ZNF432: variants seen among roughly 807,000 people sequenced by gnomAD.
ZNF432 encodes the protein zinc finger protein 432.
In ZNF432, 10 loss-of-function variants were observed where a neutral mutation model predicts 13.9. The observed-to-expected ratio is 0.72, with a 90% CI of 0.44 to 1.22. The LOEUF is 1.22. Among genes scored for constraint, ZNF432 ranks in the 50% most tolerant of loss-of-function variants. ZNF432 has a pLI of 0.00. For missense variants in ZNF432, 793 were observed against 796.2 expected (o/e 1.00, Z 0.05); for synonymous variants, 247 against 256.2 (o/e 0.96, Z 0.34).
At position 52,035,141 on chromosome 19, in the gene ZNF432, A is replaced by C; in HGVS notation, c.538T>G (p.Ser180Ala). 6.2e-7 allele frequency: 1 copy of C among 1,614,140 alleles called. No individual in the cohort carries two copies. The highest frequency in any genetic ancestry group is 8.5e-7 in the Non-Finnish European group (1 of 1,180,026). Residue 180 changes from serine (S) to alanine (A), a missense_variant, in exon 5 of 5, where the codon TCT becomes GCT. Transcript: ENST00000221315. ...YEELYSAAKF[S>A]VSTKANSTKS... ...GTGCTATTGGCTTTTGTACTTACAG[A>C]GAATTTAGCTGCAGAATAAAGTTCT...
intron 2 of ZNF432, among the ~76,000 whole-genome samples, chr19:52,043,718 C>T (rs931443241): frequency 2.6e-5 from 4 of 152,354 alleles, no homozygotes; most frequent in African/African-American, 9.6e-5. Flanking sequence ...CGCCTTAGGG[C>T]TGGAGGTGGG....
chr19:52,046,016 A>T (rs2087178734), intron 2 of ZNF432, among the ~76,000 whole-genome samples: 1 of 151,766 alleles, frequency 6.6e-6, no homozygotes, highest in Non-Finnish European at 1.5e-5. Context: ...CCAAAAAAAA[A>T]AAAAAAAAAA....
rs11666149 is a variant in ZNF432 at position 52,034,323 on chromosome 19, T to G, written c.1356A>C (p.Thr452=). The change falls in exon 5 of 5, where the codon ACA becomes ACC. Residue 452 remains threonine (T), a synonymous_variant. Transcript: ENST00000221315. ...CACTGCATGTGTAGGGCTTCTCTCC[T>G]GTATGAGTTCGCTGATGTATGATGA... ...SMLIIHQRTH[T]GEKPYTCSEC... 0.35 allele frequency: 563,427 copies of G among 1,613,198 alleles called. 109,963 individuals are homozygous for G. Among genetic ancestry groups the G allele is most frequent in the African/African-American group, 0.72 (53,496 of 74,614 alleles).
Position 52,041,214 on chromosome 19 carries a change from A to C in ZNF432, c.142+266T>G, listed in dbSNP as rs146604328. ...AATTTGGAGATGATTTAAAGTATTCAGGAGGAGGTGTGTGTAGGTTATATG... is the reference window on the plus strand; with the variant it reads ...AATTTGGAGATGATTTAAAGTATTCCGGAGGAGGTGTGTGTAGGTTATATG... On this transcript the variant is annotated intron_variant, in intron 3 of 4. Transcript: ENST00000221315. Among the ~76,000 whole-genome samples the C allele has an allele frequency of 2.0e-3, 307 of 152,348 alleles. 1 individual carries two copies. The highest frequency in any genetic ancestry group is 3.6e-3 in the Non-Finnish European group (248 of 68,028).
rs2087029896 is a variant in ZNF432 at position 52,032,970 on chromosome 19, ATGTG to A, written c.*746_*749del. On this transcript the variant is annotated 3_prime_UTR_variant, in exon 5 of 5. Transcript: ENST00000221315. ...GCTTTCCCATGATAATGCTGCTAGT[ATGTG>A]TAAGTTCATTGATGATCTATTATGA... The A allele has an allele frequency of 6.6e-6, 1 of 152,174 alleles. No individual in the cohort carries two copies. The highest frequency in any genetic ancestry group is 1.5e-5 in the Non-Finnish European group (1 of 68,040). 9.4% of individuals were successfully genotyped at this position (152,174 alleles called of 1,614,324 possible).
intron 2 of ZNF432, among the ~76,000 whole-genome samples, chr19:52,044,027 T>C (rs2087159561): frequency 6.6e-6 from 1 of 152,156 alleles, no homozygotes; most frequent in Non-Finnish European, 1.5e-5. Context: ...TCTCTGTGTC[T>C]TTTTCTTTTC....
chr19:52,033,517 C>A lies in ZNF432; in HGVS notation c.*203G>T. On this transcript the variant is annotated 3_prime_UTR_variant, in exon 5 of 5. Transcript: ENST00000221315. ...TCTCTCAGATGAGTAATTTTCTATACATTGGTACATCAAAGAATTCAGAGC... is the reference window on the plus strand; with the variant it reads ...TCTCTCAGATGAGTAATTTTCTATAAATTGGTACATCAAAGAATTCAGAGC... 1.8e-6 allele frequency: 1 copy of A among 567,666 alleles called. No individual in the cohort carries two copies. The highest frequency in any genetic ancestry group is 3.0e-6 in the Non-Finnish European group (1 of 336,986). 35.2% of individuals were successfully genotyped at this position (567,666 alleles called of 1,614,324 possible).
At chr19:52,039,828 CAAA>C (rs562794463) in intron 4 of ZNF432, among the ~76,000 whole-genome samples, 2 of 52,368 alleles carry the variant, frequency 3.8e-5, no homozygotes, top group Non-Finnish European at 4.1e-5. Flanking sequence ...GACTCCATCT[CAAA>C]AAAAAAAAAA....
chr19:52,042,192 A>G (rs571355780), intron 2 of ZNF432, among the ~76,000 whole-genome samples: 2 of 152,316 alleles, frequency 1.3e-5, no homozygotes, highest in East Asian at 3.9e-4. Context: ...ATATGTGTCT[A>G]TTAACAGAAA....
intron 2 of ZNF432, among the ~76,000 whole-genome samples, chr19:52,044,507 T>C (rs756243294): frequency 1.4e-4 from 21 of 151,924 alleles, no homozygotes; most frequent in Non-Finnish European, 2.6e-4. Flanking sequence ...GATCAATATA[T>C]AGTAGATATA....
At position 52,048,770 on chromosome 19, in the gene ZNF432, C is replaced by T. The variant is rs2087220398; in HGVS notation, c.-268G>A. ...CTAAACTTCTTCCACTTCTGGGCCC[C>T]TCGCCCAACTCCCTCCCCCTCTAAA... On this transcript the variant is annotated 5_prime_UTR_variant, in exon 1 of 5. Coordinates refer to ENST00000221315, the MANE Select transcript of ZNF432 (RefSeq NM_014650.4). 6.5e-6 allele frequency: 1 copy of T among 152,718 alleles called. No homozygotes were observed. Among genetic ancestry groups the T allele is most frequent in the Admixed American group, 6.5e-5 (1 of 15,292 alleles). The allele number at this position is 152,718 out of a possible 1,614,324, so 9.5% of individuals were successfully genotyped here.
Position 52,035,385 on chromosome 19 carries a change from C to T in ZNF432, c.294G>A (p.Leu98=), listed in dbSNP as rs753640880. 1.3e-6 allele frequency: 2 copies of T among 1,577,504 alleles called. No individual in the cohort carries two copies. Among genetic ancestry groups the T allele is most frequent in the East Asian group, 2.2e-5 (1 of 44,468 alleles). ...LQDHLENQRM[L]KSVEQYHEHN... The stretch of plus-strand genomic sequence containing the variant: ...GTTCATGGTATTGTTCCACACTCTT[C>T]AGCATCCTTTGATTTTCCAAGTGAT... The change falls in exon 5 of 5, where the codon CTG becomes CTA. Residue 98 remains leucine, a synonymous_variant. Coordinates refer to ENST00000221315, the MANE Select transcript of ZNF432 (RefSeq NM_014650.4).
chr19:52,046,911 T>C lies in ZNF432; in HGVS notation c.-43A>G, dbSNP rs1248715442. 1.2e-6 allele frequency: 2 copies of C among 1,609,774 alleles called. No individual in the cohort carries two copies. Among genetic ancestry groups the C allele is most frequent in the South Asian group, 2.2e-5 (2 of 90,264 alleles). On this transcript the variant is annotated 5_prime_UTR_variant, in exon 2 of 5. Transcript: ENST00000221315. ...AATGGCCAGCACCTGGGATACTCTG[T>C]CTTTGTCTCCTCTGGATCTGCCTTA...
At chr19:52,041,687 G>A (rs573601265) in intron 2 of ZNF432, 81 bp from the exon 3 acceptor site, 49 of 1,563,580 alleles carry the variant, frequency 3.1e-5, no homozygotes, top group Admixed American at 1.5e-4. Flanking sequence ...AAGTTGTCCC[G>A]CTCACATTAA....
intron 2 of ZNF432, among the ~76,000 whole-genome samples, chr19:52,044,791 C>G (rs1344027980): frequency 6.6e-6 from 1 of 152,218 alleles, no homozygotes; most frequent in African/African-American, 2.4e-5. Flanking sequence ...CATCTAAATA[C>G]TTTACATAGT....
At chr19:52,048,188 C>T (rs1212280768) in intron 1 of ZNF432, among the ~76,000 whole-genome samples, 5 of 146,488 alleles carry the variant, frequency 3.4e-5, no homozygotes, top group African/African-American at 1.3e-4. Context: ...CACACAAAAC[C>T]AGCCAGGGCT....
At chr19:52,043,695 G>A (rs2123159199) in intron 2 of ZNF432, among the ~76,000 whole-genome samples, 1 of 152,370 alleles carries the variant, frequency 6.6e-6, no homozygotes, top group East Asian at 1.9e-4. Flanking sequence ...CATCTACTGA[G>A]ATAGGGGAAA....
Position 52,032,890 on chromosome 19 carries a change from G to T in ZNF432, c.*830C>A, listed in dbSNP as rs2087029298. 6.6e-6 allele frequency: 1 copy of T among 152,152 alleles called. No individual in the cohort carries two copies. Among genetic ancestry groups the T allele is most frequent in the African/African-American group, 2.4e-5 (1 of 41,424 alleles). The allele number at this position is 152,152 out of a possible 1,614,324, so 9.4% of individuals were successfully genotyped here. A position where few individuals can be genotyped will look rare whatever the true frequency, so the allele number is the denominator to read the frequency against. Reference sequence around the variant, plus strand: ...GTGTATTCACTGCCATCTGAAACTTGTTCTCCAGTATGAAATATATCTGCC... The same window carrying T: ...GTGTATTCACTGCCATCTGAAACTTTTTCTCCAGTATGAAATATATCTGCC... On this transcript the variant is annotated 3_prime_UTR_variant, in exon 5 of 5. Coordinates refer to ENST00000221315, the MANE Select transcript of ZNF432 (RefSeq NM_014650.4).
At position 52,033,924 on chromosome 19, in the gene ZNF432, AG is replaced by A. The variant is rs764471195; in HGVS notation, c.1754del (p.Ala585ValfsTer24). ...CTCCAGTATGAACTTGCTTATGTAAAGCAAGCTCTGTTTCCTTGGCAAAGCC... is the reference window on the plus strand; with the variant it reads ...CTCCAGTATGAACTTGCTTATGTAAACAAGCTCTGTTTCCTTGGCAAAGCC... Reference protein sequence around the residue: ...GRGFAKETELALHKQVHTGEK... With the variant: ...GRGFAKETELXLHKQVHTGEK... On this transcript the variant is annotated frameshift_variant, in exon 5 of 5. Transcript: ENST00000221315. LOFTEE classifies it low-confidence loss of function (END_TRUNC). 6.8e-6 allele frequency: 11 copies of A among 1,613,926 alleles called. No homozygotes were observed. The highest frequency in any genetic ancestry group is 9.3e-6 in the Non-Finnish European group (11 of 1,179,932).
Sources: allele counts gnomAD v4.1 joint callset (sites outside exome capture counted in the v4.1 genomes callset), GRCh38; gene constraint gnomAD v4.1.1; transcripts MANE v1.5; gene names NCBI Gene and HGNC (gene_info 2026-07-23, HGNC 2026-07-21).